PIK3CG: variants seen among roughly 807,000 people sequenced by gnomAD.
PIK3CG encodes phosphatidylinositol 4,5-bisphosphate 3-kinase catalytic subunit gamma isoform.
Under a neutral mutation model 102.3 loss-of-function variants are expected in PIK3CG, and 55 were observed. That is an observed-to-expected ratio of 0.54 (90% CI 0.43 to 0.67). The LOEUF is 0.67. Ranked by LOEUF, PIK3CG falls within the 30% of genes least tolerant of loss-of-function variation. The probability of loss-of-function intolerance (pLI) is 0.00; values close to 1 mark genes in which losing one functional copy is unlikely to be tolerated. For synonymous variants in PIK3CG, 552 were observed against 540.0 expected, an observed-to-expected ratio of 1.02 and a Z score of -0.31; for missense variants, 1,258 against 1,391.8, an observed-to-expected ratio of 0.90 and a Z score of 1.53.
chr7:106,873,015 T>C, intron 4 of PIK3CG, 77 bp downstream of exon 4: 1 of 1,116,990 alleles, frequency 9.0e-7, no homozygotes. Flanking sequence ...TAATTCTTTT[T>C]CTTCCTGGAA....
chr7:106,901,969 C>T (rs539046544), intron 10 of PIK3CG, among the ~76,000 whole-genome samples: 8 of 152,208 alleles, frequency 5.3e-5, no homozygotes, highest in African/African-American at 1.9e-4. Flanking sequence ...TCTCAATGCT[C>T]TGAAAGTGTG....
chr7:106,906,829 TTC>T lies in PIK3CG; in HGVS notation c.*1444_*1445del. ...TTGACTTTGAGGTAGTCCAGACCTTTTCTTTTTTTTTTTTTTTTTAATGTGTG... is the reference window on the plus strand; with the variant it reads ...TTGACTTTGAGGTAGTCCAGACCTTTTTTTTTTTTTTTTTTTTAATGTGTG... On this transcript the variant is annotated 3_prime_UTR_variant, in exon 11 of 11. Coordinates refer to ENST00000496166, the MANE Select transcript of PIK3CG (RefSeq NM_001282426.2). 1 of 212,304 alleles carries T rather than the reference TTC, an allele frequency of 4.7e-6. No individual in the cohort carries two copies. The highest frequency in any genetic ancestry group is 9.3e-6 in the Non-Finnish European group (1 of 107,712). The allele number at this position is 212,304 out of a possible 1,614,324, so 13.2% of individuals were successfully genotyped here.
Position 106,869,116 on chromosome 7 carries a change from C to G in PIK3CG, c.1555C>G (p.Leu519Val), listed in dbSNP as rs2116458230. ...GGAGAACTCAATGTCCATCTCCATT[C>G]TTCTGGACAATTACTGCCACCCGAT... ...DKENSMSISILLDNYCHPIAL... is the reference protein window; with the variant it reads ...DKENSMSISIVLDNYCHPIAL... The change falls in exon 2 of 11, where the codon CTT becomes GTT. Residue 519 changes from leucine to valine, a missense_variant. Leu to Val is a conservative substitution (Grantham distance 32). Transcript: ENST00000496166. This position sits in a 1 kb window ranked among gnomAD's most constrained non-coding sequence, Gnocchi z 5.3. The G allele has an allele frequency of 6.2e-7, 1 of 1,614,220 alleles. No homozygotes were observed. Among genetic ancestry groups the G allele is most frequent in the Non-Finnish European group, 8.5e-7 (1 of 1,180,042 alleles).
rs918900321 is a variant in PIK3CG, at chr7:106,877,801, A to G, written c.2392-1718A>G. On this transcript the variant is annotated intron_variant, in intron 5 of 10. Transcript: ENST00000496166. The surrounding 1 kb of genome is among the most constrained non-coding windows in gnomAD (Gnocchi z 4.5). ...ATGTTTAAATAACAAAGCACTTCAT[A>G]TACGTGTGCTTATACAGGCAACAGT... Among the ~76,000 whole-genome samples the G allele has an allele frequency of 1.3e-5, 2 of 152,194 alleles. No individual in the cohort carries two copies. Among genetic ancestry groups the G allele is most frequent in the Admixed American group, 6.5e-5 (1 of 15,270 alleles).
In PIK3CG at chr7:106,883,061, G is replaced by A. The variant is rs376136722; in HGVS notation, c.2658G>A (p.Thr886=). 1.5e-5 allele frequency: 24 copies of A among 1,613,868 alleles called. No individual in the cohort carries two copies. The highest frequency in any genetic ancestry group is 8.0e-5 in the African/African-American group (6 of 74,864). Residue 886 remains threonine (T), a synonymous_variant, in exon 8 of 11, where the codon ACG becomes ACA. Transcript: ENST00000496166. The surrounding 1 kb of genome is among the most constrained non-coding windows in gnomAD (Gnocchi z 5.8). ...IGMIEIVKDA[T]TIAKIQQSTV... is the part of the protein sequence containing the mutation. Reference sequence around the variant, plus strand: ...TGATCGAGATTGTGAAAGACGCCACGACAATTGCCAAAATTCAGCAAAGCA... The same window carrying A: ...TGATCGAGATTGTGAAAGACGCCACAACAATTGCCAAAATTCAGCAAAGCA...
chr7:106,890,237 A>T lies in PIK3CG; in HGVS notation c.3030+3945A>T, dbSNP rs1168289501. On this transcript the variant is annotated intron_variant, in intron 10 of 10. Transcript: ENST00000496166. The surrounding 1 kb of genome is among the most constrained non-coding windows in gnomAD (Gnocchi z 4.2). ...CTCTCTGTTGCCCAGGCTGGAATGC[A>T]GTGGTGTGATCTCGGCTCACTGCAA... is the stretch of plus-strand genomic sequence containing the variant. Among the ~76,000 whole-genome samples, 74 of 152,364 alleles carry T rather than the reference A, an allele frequency of 4.9e-4. 1 individual carries two copies. The highest frequency in any genetic ancestry group is 4.8e-3 in the Admixed American group (74 of 15,308).
intron 10 of PIK3CG, among the ~76,000 whole-genome samples, chr7:106,889,031 C>T (rs181862797): frequency 6.6e-6 from 1 of 152,318 alleles, no homozygotes; most frequent in Admixed American, 6.5e-5. Flanking sequence ...TTGTAGTCAT[C>T]ACAGTGTGTC....
rs995374792 is a variant in PIK3CG at position 106,897,470 on chromosome 7, C to T, written c.3031-7639C>T. On this transcript the variant is annotated intron_variant, in intron 10 of 10. Transcript: ENST00000496166. This position sits in a 1 kb window ranked among gnomAD's most constrained non-coding sequence, Gnocchi z 4.6. ...CAGGGGTTTGTTGTACACATCATTTCGTCACCCAGGCATTAAGCCCAGTAC... is the reference window on the plus strand; with the variant it reads ...CAGGGGTTTGTTGTACACATCATTTTGTCACCCAGGCATTAAGCCCAGTAC... 1.3e-5 allele frequency among the ~76,000 whole-genome samples: 2 copies of T among 152,120 alleles called. No homozygotes were observed. Among genetic ancestry groups the T allele is most frequent in the Non-Finnish European group, 2.9e-5 (2 of 68,016 alleles).
rs769898926 is a variant in PIK3CG at position 106,907,729 on chromosome 7, TATATATATATAACATATATATGCTA to T, written c.*2379_*2403del. Among the ~76,000 whole-genome samples the T allele has an allele frequency of 8.3e-3, 866 of 104,946 alleles. 1 individual carries two copies. The highest frequency in any genetic ancestry group is 0.023 in the Middle Eastern group (5 of 222). The allele number at this position is 104,946 out of a possible 152,430, so 68.8% of individuals were successfully genotyped here. A position where few individuals can be genotyped will look rare whatever the true frequency, so the allele number is the denominator to read the frequency against. On this transcript the variant is annotated 3_prime_UTR_variant, in exon 11 of 11. Coordinates refer to ENST00000496166, the MANE Select transcript of PIK3CG (RefSeq NM_001282426.2). The stretch of plus-strand genomic sequence containing the variant: ...CAGTTCTTTCATTTCATTATGCTAA[TATATATATATAACATATATATGCTA>T]ATATATATATAACATATATATGCTA...
chr7:106,906,898 CA>C lies in PIK3CG; in HGVS notation c.*1513del. ...CCTAAGCCTGGCTGCAAAGAAGAAT[CA>C]ACAGGGACACTTTTTAAAAACACTC... On this transcript the variant is annotated 3_prime_UTR_variant, in exon 11 of 11. Transcript: ENST00000496166. 1 of 216,130 alleles carries C rather than the reference CA, an allele frequency of 4.6e-6. No homozygotes were observed. The highest frequency in any genetic ancestry group is 2.3e-5 in the African/African-American group (1 of 42,592). 13.4% of individuals were successfully genotyped at this position (216,130 alleles called of 1,614,324 possible). A position where few individuals can be genotyped will look rare whatever the true frequency, so the allele number is the denominator to read the frequency against.
At chr7:106,889,099 A>C (rs975218091) in intron 10 of PIK3CG, among the ~76,000 whole-genome samples, 3 of 152,130 alleles carry the variant, frequency 2.0e-5, no homozygotes, top group African/African-American at 7.2e-5. Flanking sequence ...ATCTCAGGTA[A>C]TATATAAAAC....
At position 106,878,053 on chromosome 7, in the gene PIK3CG, T is replaced by C. The variant is rs1049343760; in HGVS notation, c.2392-1466T>C. 1.3e-5 allele frequency among the ~76,000 whole-genome samples: 2 copies of C among 152,252 alleles called. 1 individual carries two copies. The highest frequency in any genetic ancestry group is 4.1e-4 in the South Asian group (2 of 4,836). On this transcript the variant is annotated intron_variant, in intron 5 of 10. Coordinates refer to ENST00000496166, the MANE Select transcript of PIK3CG (RefSeq NM_001282426.2). ...TCCACATTTCCTTGAGCTTCTAACA[T>C]CTTTTCTACTGCAAGTTTGCTGACA...
In PIK3CG at chr7:106,879,754, ACT is replaced by A. The variant is rs913526646; in HGVS notation, c.2538+94_2538+95del. The A allele has an allele frequency of 9.6e-6, 9 of 939,062 alleles. No individual in the cohort carries two copies. The Admixed American group carries it at 1.6e-4, about 17-fold the overall frequency. 58.2% of individuals were successfully genotyped at this position (939,062 alleles called of 1,614,324 possible). A position where few individuals can be genotyped will look rare whatever the true frequency, so the allele number is the denominator to read the frequency against. On this transcript the variant is annotated intron_variant, in intron 6 of 10. Coordinates refer to ENST00000496166, the MANE Select transcript of PIK3CG (RefSeq NM_001282426.2). This position sits in a 1 kb window ranked among gnomAD's most constrained non-coding sequence, Gnocchi z 4.9. ...GCTTTCTCCTACTGGCTCTATTCCCACTCTCTTCTTTCAAGTGATGAATTGTG... is the reference window on the plus strand; with the variant it reads ...GCTTTCTCCTACTGGCTCTATTCCCACTCTTCTTTCAAGTGATGAATTGTG...
intron 5 of PIK3CG, among the ~76,000 whole-genome samples, chr7:106,876,107 G>T (rs1790727430): frequency 6.7e-6 from 1 of 149,954 alleles, no homozygotes; most frequent in Admixed American, 6.6e-5. Flanking sequence ...GTAGAGACGG[G>T]GTTTCACCTT....
chr7:106,880,680 T>C lies in PIK3CG; in HGVS notation c.2538+1015T>C, dbSNP rs1286512133. On this transcript the variant is annotated intron_variant, in intron 6 of 10. Transcript: ENST00000496166. This position sits in a 1 kb window ranked among gnomAD's most constrained non-coding sequence, Gnocchi z 4.2. ...CCCTTTATGTACTTTGTGGTTTTGTTTTTTTTTAATTTTTTTAAGATGAGG... is the reference window on the plus strand; with the variant it reads ...CCCTTTATGTACTTTGTGGTTTTGTCTTTTTTTAATTTTTTTAAGATGAGG... 6.6e-6 allele frequency among the ~76,000 whole-genome samples: 1 copy of C among 152,014 alleles called. No homozygotes were observed. Among genetic ancestry groups the C allele is most frequent in the East Asian group, 1.9e-4 (1 of 5,190 alleles).
chr7:106,886,495 C>A (rs1244205457), intron 10 of PIK3CG, among the ~76,000 whole-genome samples: 1 of 152,044 alleles, frequency 6.6e-6, no homozygotes, highest in Non-Finnish European at 1.5e-5. Context: ...CTCAGTAATC[C>A]TCCCACCTAA....
At position 106,905,295 on chromosome 7, in the gene PIK3CG, G is replaced by C. The variant is rs1791659319; in HGVS notation, c.3217G>C (p.Glu1073Gln). The C allele has an allele frequency of 1.2e-6, 2 of 1,614,056 alleles. No homozygotes were observed. The highest frequency in any genetic ancestry group is 1.7e-6 in the Non-Finnish European group (2 of 1,179,960). The change falls in exon 11 of 11, where the codon GAA becomes CAA. Residue 1073 changes from glutamate (E) to glutamine (Q), a missense_variant. Physicochemically the swap from Glu to Gln is conservative, Grantham distance 29 (BLOSUM62 2). Around this residue, in one of 2 missense-constraint regions of PIK3CG, gnomAD observed 426 missense variants for 604.2 expected, o/e 0.71. Transcript: ENST00000496166. This position sits in a 1 kb window ranked among gnomAD's most constrained non-coding sequence, Gnocchi z 5.6. ...TAAAAAGTATTTTCTTGATCAGATC[G>C]AAGTTTGCAGAGACAAAGGATGGAC... ...DAKKYFLDQI[E>Q]VCRDKGWTVQ...
Position 106,879,410 on chromosome 7 carries a change from G to A in PIK3CG, c.2392-109G>A. The A allele has an allele frequency of 1.1e-6, 1 of 901,288 alleles. No individual in the cohort carries two copies. Among genetic ancestry groups the A allele is most frequent in the Non-Finnish European group, 1.8e-6 (1 of 555,930 alleles). The allele number at this position is 901,288 out of a possible 1,614,324, so 55.8% of individuals were successfully genotyped here. A position where few individuals can be genotyped will look rare whatever the true frequency, so the allele number is the denominator to read the frequency against. On this transcript the variant is annotated intron_variant, in intron 5 of 10. Transcript: ENST00000496166. The surrounding 1 kb of genome is among the most constrained non-coding windows in gnomAD (Gnocchi z 4.9). ...AATATTGAAAATCATTCTCCAACTA[G>A]GACTTTGTCCTTGTTGTTTATAGTG...
intron 9 of PIK3CG, among the ~76,000 whole-genome samples, chr7:106,885,660 A>G (rs1468136504): frequency 6.6e-6 from 1 of 152,298 alleles, no homozygotes; most frequent in Admixed American, 6.5e-5. Context: ...ATTTGCTTCT[A>G]TCATGCTGCC....
Sources: gnomAD v4.1 joint callset for allele counts (sites outside exome capture counted in the v4.1 genomes callset) on GRCh38, gnomAD v4.1.1 for gene constraint, gnomAD v4.1.1 regional missense constraint, Gnocchi (gnomAD v3.1) non-coding constraint, MANE v1.5 for transcripts, NCBI Gene and HGNC (gene_info 2026-07-23, HGNC 2026-07-21) for gene names.